Variants in PPARD observed in about 807,000 individuals in gnomAD.
PPARD encodes the protein peroxisome proliferator-activated receptor delta.
A neutral mutation model predicts 39.5 loss-of-function variants in PPARD; 6 were observed. The ratio of observed to expected loss-of-function variants is 0.15; its 90% CI spans 0.08 to 0.30. The LOEUF (loss-of-function observed/expected upper bound fraction) is 0.30. PPARD is among the 10% of genes least tolerant of loss of function. The pLI is 1.00. For synonymous variants in PPARD, 210 were observed against 231.3 expected, an observed-to-expected ratio of 0.91 and a Z score of 0.83; for missense variants, 397 against 596.8, an observed-to-expected ratio of 0.67 and a Z score of 3.49.
At chr6:35,422,033 G>A (rs1766206022) in intron 5 of PPARD, 75 bp downstream of exon 5, 1 of 1,495,122 alleles carries the variant, frequency 6.7e-7, no homozygotes, top group African/African-American at 1.4e-5. Context: ...GAGCCCTTGG[G>A]GCAGCCTAGA....
intron 2 of PPARD, among the ~76,000 whole-genome samples, chr6:35,368,540 T>C (rs1427046598): frequency 1.3e-5 from 2 of 152,198 alleles, no homozygotes; most frequent in Non-Finnish European, 2.9e-5. Context: ...GGAACCTGCC[T>C]TTAAAGCTCC....
At chr6:35,422,602 C>G (rs372865138) in intron 5 of PPARD, among the ~76,000 whole-genome samples, 2 of 152,270 alleles carry the variant, frequency 1.3e-5, no homozygotes, top group South Asian at 2.1e-4. Flanking sequence ...GTGATCTCTA[C>G]AGGCAGGTTA....
chr6:35,386,741 G>C (rs1176199046), intron 2 of PPARD, among the ~76,000 whole-genome samples: 1 of 152,062 alleles, frequency 6.6e-6, no homozygotes, highest in African/African-American at 2.4e-5. Context: ...AGAATGGGCT[G>C]CTCTATAGAT....
At chr6:35,351,085 G>A (rs922057987) in intron 2 of PPARD, among the ~76,000 whole-genome samples, 1 of 152,138 alleles carries the variant, frequency 6.6e-6, no homozygotes, top group African/African-American at 2.4e-5. Context: ...GAGTGCAGTG[G>A]CACAATCTCG....
At chr6:35,365,338 C>T (rs1027810991) in intron 2 of PPARD, among the ~76,000 whole-genome samples, 2 of 150,030 alleles carry the variant, frequency 1.3e-5, no homozygotes, top group African/African-American at 5.0e-5. Context: ...GACAGGGTTT[C>T]ACCGTGTTAG....
At chr6:35,380,413 G>A (rs575021014) in intron 2 of PPARD, among the ~76,000 whole-genome samples, 63 of 142,118 alleles carry the variant, frequency 4.4e-4, no homozygotes, top group African/African-American at 1.3e-3. Context: ...ACCACTTTCT[G>A]TGACTGAGGG....
At chr6:35,411,392 C>A (rs1765420954) in intron 3 of PPARD, among the ~76,000 whole-genome samples, 175 bp downstream of exon 3, 1 of 152,228 alleles carries the variant, frequency 6.6e-6, no homozygotes, top group Non-Finnish European at 1.5e-5. Flanking sequence ...CTGCCACTCA[C>A]CAGCAGTGGG....
intron 2 of PPARD, among the ~76,000 whole-genome samples, chr6:35,354,389 C>A (rs556674872): frequency 2.0e-5 from 3 of 147,168 alleles, no homozygotes; most frequent in Admixed American, 6.7e-5. Flanking sequence ...CAACCTCTGC[C>A]TCCCGGGTTA....
intron 2 of PPARD, among the ~76,000 whole-genome samples, chr6:35,385,419 A>G (rs1407321907): frequency 1.3e-4 from 19 of 150,228 alleles, no homozygotes; most frequent in African/African-American, 4.4e-4. Flanking sequence ...TTTGTTAAAC[A>G]GATGCTTGAA....
chr6:35,389,228 A>G (rs1763862210), intron 2 of PPARD, among the ~76,000 whole-genome samples: 1 of 152,216 alleles, frequency 6.6e-6, no homozygotes, highest in African/African-American at 2.4e-5. Context: ...TTAGCTGTTC[A>G]GGGGCACAAA....
Position 35,426,173 on chromosome 6 carries a change from C to T in PPARD, c.*94C>T, listed in dbSNP as rs1305903636. 25 of 1,500,654 alleles carry T rather than the reference C, an allele frequency of 1.7e-5. No homozygotes were observed. The highest frequency in any genetic ancestry group is 7.1e-5 in the East Asian group (3 of 42,452). The allele number at this position is 1,500,654 out of a possible 1,614,324, so 93.0% of individuals were successfully genotyped here. ...TTCCATTGACCAGCCCTTGAGCACC[C>T]GGCCTGGAGCAGCAGAGTCCCACGA... On this transcript the variant is annotated 3_prime_UTR_variant, in exon 8 of 8. Coordinates refer to ENST00000360694, the MANE Select transcript of PPARD (RefSeq NM_006238.5).
Position 35,389,898 on chromosome 6 carries a change from C to T in PPARD, c.-101-21089C>T, listed in dbSNP as rs113364787. On this transcript the variant is annotated intron_variant, in intron 2 of 7. Transcript: ENST00000360694. ...TCTCACTGTGTCATTTCTGAAGGGCCCTGGTGACTTTCTTTGCCCCTCTCC... is the reference window on the plus strand; with the variant it reads ...TCTCACTGTGTCATTTCTGAAGGGCTCTGGTGACTTTCTTTGCCCCTCTCC... 5.8e-3 allele frequency among the ~76,000 whole-genome samples: 877 copies of T among 152,242 alleles called. 16 individuals are homozygous for T. The highest frequency in any genetic ancestry group is 0.018 in the African/African-American group (757 of 41,540).
intron 2 of PPARD, among the ~76,000 whole-genome samples, chr6:35,375,412 C>T (rs979029285): frequency 2.0e-5 from 3 of 152,080 alleles, no homozygotes; most frequent in Non-Finnish European, 2.9e-5. Flanking sequence ...GACAGGGTTT[C>T]GCCATGTTGG....
chr6:35,356,186 A>G (rs1442073607), intron 2 of PPARD, among the ~76,000 whole-genome samples: 1 of 152,156 alleles, frequency 6.6e-6, no homozygotes, highest in African/African-American at 2.4e-5. Flanking sequence ...ACTAAAAGGT[A>G]TCTAACAGCT....
At chr6:35,354,231 C>CAA (rs1347497564) in intron 2 of PPARD, among the ~76,000 whole-genome samples, 182 of 30,424 alleles carry the variant, frequency 6.0e-3, no homozygotes, top group Middle Eastern at 0.031. Context: ...GACTCCGTCT[C>CAA]AAAAAAAAAA....
intron 2 of PPARD, among the ~76,000 whole-genome samples, chr6:35,368,019 A>C (rs1762295831): frequency 6.6e-6 from 1 of 152,156 alleles, no homozygotes; most frequent in South Asian, 2.1e-4. Context: ...TGTGACTCAG[A>C]CTCACAGTCT....
chr6:35,375,899 C>G (rs192424107), intron 2 of PPARD, among the ~76,000 whole-genome samples: 68 of 152,236 alleles, frequency 4.5e-4, no homozygotes, highest in African/African-American at 1.5e-3. Flanking sequence ...TTCTCCCATC[C>G]TTTTACTTAG....
At chr6:35,379,908 C>G (rs1467866477) in intron 2 of PPARD, among the ~76,000 whole-genome samples, 4 of 152,214 alleles carry the variant, frequency 2.6e-5, no homozygotes, top group Admixed American at 6.5e-5. Context: ...GTGTCATCTG[C>G]TAATCTCCAA....
intron 2 of PPARD, among the ~76,000 whole-genome samples, chr6:35,359,579 G>A (rs2150484207): frequency 6.6e-6 from 1 of 152,062 alleles, no homozygotes; most frequent in South Asian, 2.1e-4. Context: ...CAACCCCCCT[G>A]GCCCGCTGTT....
Sources: gnomAD v4.1 joint callset for allele counts (sites outside exome capture counted in the v4.1 genomes callset) on GRCh38, gnomAD v4.1.1 for gene constraint, MANE v1.5 for transcripts, NCBI Gene and HGNC (gene_info 2026-07-23, HGNC 2026-07-21) for gene names.